The following DDO variants were observed in gnomAD, a reference collection of about 807,000 sequenced individuals.
DDO encodes the protein D-aspartate oxidase, DDO.
In DDO, 16 loss-of-function variants were observed where a neutral mutation model predicts 16.8. The observed-to-expected ratio is 0.95, with a 90% CI of 0.65 to 1.45. The LOEUF is 1.45. Ranked by LOEUF, DDO falls within the 40% of genes most tolerant of loss-of-function variation. The pLI is 0.00. For synonymous variants in DDO, 180 were observed against 167.2 expected, an observed-to-expected ratio of 1.08 and a Z score of -0.59; for missense variants, 429 against 420.3, an observed-to-expected ratio of 1.02 and a Z score of -0.18.
chr6:110,409,369 C>T (rs1357996212), intron 2 of DDO, among the ~76,000 whole-genome samples: 1 of 152,114 alleles, frequency 6.6e-6, no homozygotes, highest in Non-Finnish European at 1.5e-5. Context: ...GGCCAGGGAC[C>T]AGGGAACAAT....
intron 4 of DDO, among the ~76,000 whole-genome samples, chr6:110,396,958 T>C (rs1773310154): frequency 3.3e-5 from 5 of 152,210 alleles, no homozygotes; most frequent in Admixed American, 3.3e-4. Flanking sequence ...CTGAGCAGCA[T>C]GTTTCTGTGT....
intron 4 of DDO, among the ~76,000 whole-genome samples, chr6:110,397,734 C>T (rs926750942): frequency 6.6e-6 from 1 of 152,180 alleles, no homozygotes; most frequent in African/African-American, 2.4e-5. Context: ...AGTGGCTGGG[C>T]CTTGTCAGGC....
At chr6:110,407,448 G>C (rs1387710648) in intron 3 of DDO, among the ~76,000 whole-genome samples, 1 of 152,082 alleles carries the variant, frequency 6.6e-6, no homozygotes, top group Non-Finnish European at 1.5e-5. Flanking sequence ...AGAGAAAAAG[G>C]GTAGAAATTC....
intron 2 of DDO, among the ~76,000 whole-genome samples, chr6:110,409,706 G>A (rs1773784546): frequency 6.6e-6 from 1 of 152,152 alleles, no homozygotes; most frequent in Non-Finnish European, 1.5e-5. Flanking sequence ...TAGAAATAAG[G>A]AATAAATAAA....
At chr6:110,407,202 T>A (rs12210145) in intron 3 of DDO, among the ~76,000 whole-genome samples, 18,024 of 152,250 alleles carry the variant, frequency 0.12, 1,285 homozygotes, top group Middle Eastern at 0.18. Flanking sequence ...AAAAATTACT[T>A]AGAGCCAAAA....
intron 3 of DDO, among the ~76,000 whole-genome samples, chr6:110,405,613 T>C (rs752606623): frequency 6.5e-4 from 99 of 152,328 alleles, no homozygotes; most frequent in Admixed American, 1.4e-3. Flanking sequence ...GTTGTTTTCA[T>C]CAGTAAATGA....
chr6:110,414,077 C>T (rs1562268101), intron 1 of DDO, among the ~76,000 whole-genome samples: 1 of 152,148 alleles, frequency 6.6e-6, no homozygotes, highest in East Asian at 1.9e-4. Flanking sequence ...CGGCTTCATC[C>T]CCCTTTCCTA....
intron 4 of DDO, among the ~76,000 whole-genome samples, chr6:110,401,858 A>G (rs1263104595): frequency 6.6e-6 from 1 of 152,238 alleles, no homozygotes; most frequent in Non-Finnish European, 1.5e-5. Context: ...AGTAATTACA[A>G]AGAGAAAAAG....
intron 4 of DDO, among the ~76,000 whole-genome samples, chr6:110,399,043 T>A (rs1288364884): frequency 6.6e-6 from 1 of 152,188 alleles, no homozygotes; most frequent in East Asian, 1.9e-4. Flanking sequence ...CCTCGCTGAC[T>A]CATTTCCTGG....
rs1773138206 is a variant in DDO at position 110,392,734 on chromosome 6, A to T, written c.*41T>A. The T allele has an allele frequency of 6.7e-7, 1 of 1,501,780 alleles. No individual in the cohort carries two copies. The highest frequency in any genetic ancestry group is 8.9e-7 in the Non-Finnish European group (1 of 1,129,090). 93.0% of individuals were successfully genotyped at this position (1,501,780 alleles called of 1,614,324 possible). A position where few individuals can be genotyped will look rare whatever the true frequency, so the allele number is the denominator to read the frequency against. On this transcript the variant is annotated 3_prime_UTR_variant, in exon 5 of 5. Coordinates refer to ENST00000368924, the MANE Select transcript of DDO (RefSeq NM_001372108.2). ...TTATTTGAACCTGTTCTGTGCTTTG[A>T]TCAACAGTCTCTCAGTCTCTTTGCT...
rs1174714173 is a variant in DDO, at chr6:110,392,383, G to C, written c.*392C>G. 2 of 991,644 alleles carry C rather than the reference G, an allele frequency of 2.0e-6. No individual in the cohort carries two copies. Among genetic ancestry groups the C allele is most frequent in the African/African-American group, 1.7e-5 (1 of 57,536 alleles). The allele number at this position is 991,644 out of a possible 1,614,324, so 61.4% of individuals were successfully genotyped here. ...AATCTGCATAGGTCCTTGGACATCAGTTCTAAATAAATTTTACTCTATAAG... is the reference window on the plus strand; with the variant it reads ...AATCTGCATAGGTCCTTGGACATCACTTCTAAATAAATTTTACTCTATAAG... On this transcript the variant is annotated 3_prime_UTR_variant, in exon 5 of 5. Transcript: ENST00000368924.
chr6:110,394,915 A>T (rs1773242527), intron 4 of DDO, among the ~76,000 whole-genome samples: 1 of 152,172 alleles, frequency 6.6e-6, no homozygotes, highest in Non-Finnish European at 1.5e-5. Flanking sequence ...TAAATCACGA[A>T]TTCCTCAAGG....
chr6:110,398,409 C>CAA (rs1562260004), intron 4 of DDO, among the ~76,000 whole-genome samples: 1 of 149,344 alleles, frequency 6.7e-6, no homozygotes, highest in African/African-American at 2.5e-5. Context: ...CACACACACA[C>CAA]ACACACACAC....
Position 110,404,948 on chromosome 6 carries a change from C to G in DDO, c.284G>C (p.Trp95Ser), listed in dbSNP as rs552430235. 1.2e-6 allele frequency: 2 copies of G among 1,613,994 alleles called. No individual in the cohort carries two copies. Among genetic ancestry groups the G allele is most frequent in the East Asian group, 4.5e-5 (2 of 44,882 alleles). ...GDAGVHLVSG[W>S]QIFQSTPTEE... ...AGTCGGAGTGCTCTGAAATATCTGC[C>G]AACTCAAACGTATTAAGTGAACATT... The change falls in exon 4 of 5, where the codon TGG (tryptophan) becomes TCG (serine). Residue 95 changes from tryptophan to serine, a missense_variant and splice_region_variant. Transcript: ENST00000368924.
In DDO at chr6:110,393,066, G is replaced by A. The variant is rs745839187; in HGVS notation, c.735C>T (p.Ser245=). ...TCTCTCTGCTATTTTCTGCATCCGG[G>A]GACAGATTCCAGTCCCCTTTTTGCC... ...GTRQKGDWNL[S]PDAENSREIL... is the part of the protein sequence containing the mutation. The change falls in exon 5 of 5, where the codon TCC becomes TCT. Residue 245 remains serine (S), a synonymous_variant. Transcript: ENST00000368924. 1 of 1,613,216 alleles carries A rather than the reference G, an allele frequency of 6.2e-7. No individual in the cohort carries two copies. The highest frequency in any genetic ancestry group is 2.2e-5 in the East Asian group (1 of 44,848).
chr6:110,409,685 G>C (rs988866348), intron 2 of DDO, among the ~76,000 whole-genome samples: 1 of 152,174 alleles, frequency 6.6e-6, no homozygotes, highest in African/African-American at 2.4e-5. Flanking sequence ...TTCACAGTGG[G>C]GATGCTGCTT....
chr6:110,399,545 C>G (rs1773404382), intron 4 of DDO, among the ~76,000 whole-genome samples: 1 of 152,052 alleles, frequency 6.6e-6, no homozygotes, highest in African/African-American at 2.4e-5. Context: ...GCCCTCCCGC[C>G]CACCCCGCCT....
Position 110,404,811 on chromosome 6 carries a change from A to T in DDO, c.421T>A (p.Cys141Ser). The T allele has an allele frequency of 6.2e-7, 1 of 1,614,132 alleles. No homozygotes were observed. Among genetic ancestry groups the T allele is most frequent in the Non-Finnish European group, 8.5e-7 (1 of 1,180,016 alleles). ...VFGQAFTTLK[C>S]ECPAYLPWLE... The stretch of plus-strand genomic sequence containing the variant: ...CACGGGAGGTAGGCAGGGCATTCAC[A>T]TTTCAGGGTTGTAAAAGCCTGACCA... The change falls in exon 4 of 5, where the codon TGT (cysteine) becomes AGT (serine). Residue 141 changes from cysteine to serine, a missense_variant. Physicochemically the swap from Cys to Ser is moderately radical, Grantham distance 112. Transcript: ENST00000368924.
chr6:110,399,355 T>C (rs890574497), intron 4 of DDO, among the ~76,000 whole-genome samples: 3 of 152,224 alleles, frequency 2.0e-5, no homozygotes, highest in Non-Finnish European at 2.9e-5. Context: ...TATTTTTGAG[T>C]GAGAACACTG....
Sources: allele counts gnomAD v4.1 joint callset (sites outside exome capture counted in the v4.1 genomes callset), GRCh38; gene constraint gnomAD v4.1.1; transcripts MANE v1.5; gene names NCBI Gene and HGNC (gene_info 2026-07-23, HGNC 2026-07-21).